Variants in ROCK1 observed in about 807,000 individuals in gnomAD.
ROCK1 encodes Rho associated coiled-coil containing protein kinase 1, also known as rho-associated protein kinase 1.
A neutral mutation model predicts 196.8 loss-of-function variants in ROCK1; 36 were observed. The observed-to-expected ratio is 0.18, with a 90% CI of 0.14 to 0.24. The LOEUF (loss-of-function observed/expected upper bound fraction) is 0.24, where lower values mean the gene tolerates loss of function less well. ROCK1 is among the 10% of genes least tolerant of loss of function. The pLI is 1.00. For synonymous variants in ROCK1, 443 were observed against 515.9 expected, an observed-to-expected ratio of 0.86 and a Z score of 1.91; for missense variants, 920 against 1,562.0, an observed-to-expected ratio of 0.59 and a Z score of 6.93.
chr18:20,963,445 A>G (rs1442225031), intron 27 of ROCK1, among the ~76,000 whole-genome samples: 1 of 152,060 alleles, frequency 6.6e-6, no homozygotes, highest in Non-Finnish European at 1.5e-5. Flanking sequence ...ATACTCAACA[A>G]GTCAGATACA....
At position 20,979,930 on chromosome 18, in the gene ROCK1, T is replaced by C; in HGVS notation, c.2634A>G (p.Ile878Met). Reference sequence around the variant, plus strand: ...CATACTTTTCATTTTGTAGTTCCTGTATTTTCTTTAAATTTTCTCTGTTTT... The same window carrying C: ...CATACTTTTCATTTTGTAGTTCCTGCATTTTCTTTAAATTTTCTCTGTTTT... ...EEKNRENLKKIQELQNEKETL... is the reference protein window; with the variant it reads ...EEKNRENLKKMQELQNEKETL... The change falls in exon 22 of 33, where the codon ATA becomes ATG. Residue 878 changes from isoleucine to methionine, a missense_variant. Ile to Met is a conservative substitution (Grantham distance 10, BLOSUM62 1). Around this residue, in one of 6 missense-constraint regions of ROCK1, gnomAD observed 520 missense variants for 657.1 expected, o/e 0.79. Transcript: ENST00000399799. 2 of 1,542,484 alleles carry C rather than the reference T, an allele frequency of 1.3e-6. No individual in the cohort carries two copies. Among genetic ancestry groups the C allele is most frequent in the Non-Finnish European group, 1.8e-6 (2 of 1,142,304 alleles).
Position 21,008,100 on chromosome 18 carries a change from G to T in ROCK1, c.1505C>A (p.Ala502Asp). The T allele has an allele frequency of 1.2e-6, 2 of 1,602,874 alleles. No individual in the cohort carries two copies. Among genetic ancestry groups the T allele is most frequent in the Admixed American group, 1.7e-5 (1 of 58,858 alleles). ...QHRINEYQRK[A>D]EQENEKRRNV... ...TCTTCTCTTCTCATTTTCCTGTTCA[G>T]CTTTTCTTTGGTACTCATTAATTCT... Residue 502 changes from alanine (A) to aspartate (D), a missense_variant, in exon 14 of 33, where the codon GCT (alanine) becomes GAT (aspartate). This residue lies in a region of ROCK1 where 520 missense variants were observed against 657.1 expected (regional missense o/e 0.79). Coordinates refer to ENST00000399799, the MANE Select transcript of ROCK1 (RefSeq NM_005406.3).
At chr18:21,010,840 T>G (rs1057169257) in intron 13 of ROCK1, among the ~76,000 whole-genome samples, 1 of 152,218 alleles carries the variant, frequency 6.6e-6, no homozygotes, top group Non-Finnish European at 1.5e-5. Flanking sequence ...CAACTTTTGC[T>G]TCACATACTT....
chr18:20,991,931 C>A (rs2035630156), intron 17 of ROCK1, among the ~76,000 whole-genome samples: 1 of 152,114 alleles, frequency 6.6e-6, no homozygotes, highest in African/African-American at 2.4e-5. Flanking sequence ...AGCCACCTTG[C>A]CTGGCCTGCT....
intron 1 of ROCK1, among the ~76,000 whole-genome samples, chr18:21,078,369 C>CAG (rs1444951802): frequency 1.3e-5 from 2 of 148,340 alleles, no homozygotes; most frequent in African/African-American, 2.5e-5. Flanking sequence ...CACACACACA[C>CAG]ACACAGAGAG....
chr18:21,107,792 G>A (rs1436454685), intron 1 of ROCK1, among the ~76,000 whole-genome samples: 1 of 152,186 alleles, frequency 6.6e-6, no homozygotes, highest in African/African-American at 2.4e-5. Flanking sequence ...GGTGGCTCAC[G>A]CCTGTAATCC....
At chr18:21,015,110 T>A (rs1358498681) in intron 13 of ROCK1, among the ~76,000 whole-genome samples, 3 of 152,212 alleles carry the variant, frequency 2.0e-5, no homozygotes, top group African/African-American at 7.2e-5. Context: ...TCTGTCTCTT[T>A]CTGACATAGT....
intron 1 of ROCK1, among the ~76,000 whole-genome samples, chr18:21,104,080 T>C (rs1000931968): frequency 1.3e-5 from 2 of 152,186 alleles, no homozygotes; most frequent in Admixed American, 1.3e-4. Flanking sequence ...GTAGAGCTAT[T>C]GGATTATCTT....
chr18:20,995,084 A>T (rs1376253760), intron 16 of ROCK1, among the ~76,000 whole-genome samples: 1 of 152,194 alleles, frequency 6.6e-6, no homozygotes, highest in African/African-American at 2.4e-5. Context: ...AGCAGCACTG[A>T]AGAGTGAAAA....
intron 2 of ROCK1, among the ~76,000 whole-genome samples, chr18:21,064,373 C>G (rs2036316519): frequency 1.3e-5 from 2 of 151,092 alleles, no homozygotes. Context: ...CTTTCTTTAC[C>G]CCATTCAAGA....
intron 1 of ROCK1, among the ~76,000 whole-genome samples, chr18:21,101,446 C>T (rs1885145079): frequency 6.6e-6 from 1 of 152,166 alleles, no homozygotes; most frequent in Non-Finnish European, 1.5e-5. Context: ...ATTGAGTACC[C>T]TTGACTAGAA....
intron 16 of ROCK1, among the ~76,000 whole-genome samples, chr18:20,997,774 T>G (rs756545057): frequency 6.6e-6 from 1 of 151,948 alleles, no homozygotes; most frequent in Non-Finnish European, 1.5e-5. Flanking sequence ...AAAGTAAAAT[T>G]ATATCATGTA....
At position 21,020,197 on chromosome 18, in the gene ROCK1, G is replaced by T; in HGVS notation, c.1315C>A (p.Leu439Met). 6.3e-7 allele frequency: 1 copy of T among 1,597,496 alleles called. No individual in the cohort carries two copies. The change falls in exon 12 of 33, where the codon CTG becomes ATG. Residue 439 changes from leucine to methionine, a missense_variant. Transcript: ENST00000399799. Reference protein sequence around the residue: ...QKTIYKLEEQLHNEMQLKDEM... With the variant: ...QKTIYKLEEQMHNEMQLKDEM... ...TCTTTTAACTGCATTTCATTATGCA[G>T]CTGTTCTTCCAGCTTATAGATTGTT...
At chr18:21,085,956 C>T (rs1248067875) in intron 1 of ROCK1, among the ~76,000 whole-genome samples, 2 of 152,120 alleles carry the variant, frequency 1.3e-5, no homozygotes, top group East Asian at 3.8e-4. Context: ...AAAGTTTTCT[C>T]CTGGCATGAG....
At chr18:21,001,048 T>C (rs1252918914) in intron 16 of ROCK1, among the ~76,000 whole-genome samples, 4 of 152,212 alleles carry the variant, frequency 2.6e-5, no homozygotes, top group Non-Finnish European at 4.4e-5. Flanking sequence ...AACAGATGAA[T>C]GGCTAAGCAA....
intron 1 of ROCK1, among the ~76,000 whole-genome samples, chr18:21,082,167 G>A (rs1295328105): frequency 1.3e-5 from 2 of 151,908 alleles, no homozygotes; most frequent in Non-Finnish European, 1.5e-5. Flanking sequence ...TTGAACTCCT[G>A]AGCTCAACGT....
Position 21,110,838 on chromosome 18 carries a change from C to T in ROCK1, c.73G>A (p.Val25Met). 1.2e-6 allele frequency: 2 copies of T among 1,614,046 alleles called. No homozygotes were observed. Among genetic ancestry groups the T allele is most frequent in the Non-Finnish European group, 1.7e-6 (2 of 1,179,864 alleles). The stretch of plus-strand genomic sequence containing the variant: ...CTCACCAGCAAACAATCCGAATTCA[C>T]TTCCGATTTGGGATCCCGCAGCAGG... ...DNLLRDPKSEVNSDCLLDGLD... is the reference protein window; with the variant it reads ...DNLLRDPKSEMNSDCLLDGLD... The change falls in exon 1 of 33, where the codon GTG (valine) becomes ATG (methionine). Residue 25 changes from valine (V) to methionine (M), a missense_variant. Val to Met is a conservative substitution (Grantham distance 21, BLOSUM62 1). Transcript: ENST00000399799.
intron 2 of ROCK1, among the ~76,000 whole-genome samples, chr18:21,054,997 C>G (rs1006333741): frequency 3.9e-5 from 6 of 152,192 alleles, no homozygotes; most frequent in African/African-American, 1.4e-4. Flanking sequence ...CTACTACACT[C>G]ATACTTTCCC....
At chr18:21,058,672 G>A (rs1228723770) in intron 2 of ROCK1, among the ~76,000 whole-genome samples, 2 of 151,914 alleles carry the variant, frequency 1.3e-5, no homozygotes, top group South Asian at 2.1e-4. Context: ...CCTCCACCTC[G>A]GAGTTCAAGC....
Sources: gnomAD v4.1 joint callset for allele counts (sites outside exome capture counted in the v4.1 genomes callset) on GRCh38, gnomAD v4.1.1 for gene constraint, gnomAD v4.1.1 regional missense constraint, MANE v1.5 for transcripts, NCBI Gene and HGNC (gene_info 2026-07-23, HGNC 2026-07-21) for gene names.